RAD51B: variants seen among roughly 807,000 people sequenced by gnomAD.
RAD51B encodes the protein DNA repair protein RAD51 homolog 2.
Under a neutral mutation model 42.2 loss-of-function variants are expected in RAD51B, and 38 were observed. The ratio of observed to expected loss-of-function variants is 0.90; its 90% CI spans 0.70 to 1.18. RAD51B has a LOEUF of 1.18. Among genes scored for constraint, RAD51B ranks in the 50% most tolerant of loss-of-function variants. The probability of loss-of-function intolerance (pLI) is 0.00; values close to 1 mark genes in which losing one functional copy is unlikely to be tolerated. For missense variants in RAD51B, 373 were observed against 400.7 expected (o/e 0.93, Z 0.59); for synonymous variants, 154 against 145.2 (o/e 1.06, Z -0.43).
chr14:68,569,083 C>T lies in RAD51B; in HGVS notation c.1037-25402C>T, dbSNP rs143022673. On this transcript the variant is annotated intron_variant, in intron 10 of 10. Transcript: ENST00000487270. ...GGCCCAATGTTGTGGTTCTTGGCAC[C>T]TCTCATTTCCCCTTTCTGTATTTCC... is the stretch of plus-strand genomic sequence containing the variant. 3.7e-3 allele frequency among the ~76,000 whole-genome samples: 560 copies of T among 152,324 alleles called. 1 individual carries two copies. The highest frequency in any genetic ancestry group is 5.7e-3 in the Admixed American group (87 of 15,302).
chr14:68,588,112 G>A (rs902074620), intron 10 of RAD51B, among the ~76,000 whole-genome samples: 8 of 152,126 alleles, frequency 5.3e-5, no homozygotes, highest in East Asian at 1.9e-4. Flanking sequence ...AAGAACATAT[G>A]GGTGCGTTCA....
In RAD51B at chr14:68,345,056, A is replaced by C. The variant is rs564465291; in HGVS notation, c.853+53076A>C. ...GGCCAGTTTTTCCCTTTGGAATGGG[A>C]ATATTTACCCAATGCCCATATTACC... is the stretch of plus-strand genomic sequence containing the variant. On this transcript the variant is annotated intron_variant, in intron 8 of 10. Coordinates refer to ENST00000471583, the MANE Select transcript of RAD51B (RefSeq NM_133510.4). Among the ~76,000 whole-genome samples the C allele has an allele frequency of 4.5e-4, 68 of 152,000 alleles. 1 individual carries two copies. Among genetic ancestry groups the C allele is most frequent in the African/African-American group, 1.5e-3 (64 of 41,464 alleles).
In RAD51B at chr14:68,328,926, T is replaced by G. The variant is rs117050396; in HGVS notation, c.853+36946T>G. Among the ~76,000 whole-genome samples, 14 of 152,338 alleles carry G rather than the reference T, an allele frequency of 9.2e-5. No individual in the cohort carries two copies. In the East Asian group the frequency reaches 2.7e-3, roughly 29 times the overall value. ...CTCATCATCATTTGACCACTCAAGTTCAGCTACCTTGGTCATACAACCCGT... is the reference window on the plus strand; with the variant it reads ...CTCATCATCATTTGACCACTCAAGTGCAGCTACCTTGGTCATACAACCCGT... On this transcript the variant is annotated intron_variant, in intron 8 of 10. Transcript: ENST00000471583.
chr14:68,168,202 A>G (rs1446032272), intron 7 of RAD51B, among the ~76,000 whole-genome samples: 3 of 152,166 alleles, frequency 2.0e-5, no homozygotes, highest in African/African-American at 7.2e-5. Context: ...ATGGAATTGT[A>G]TGAAATTTAA....
intron 7 of RAD51B, among the ~76,000 whole-genome samples, chr14:68,247,029 A>G (rs1240316366): frequency 6.6e-6 from 1 of 152,158 alleles, no homozygotes; most frequent in Non-Finnish European, 1.5e-5. Context: ...GTAAGAAGTA[A>G]ACCCTGAACT....
intron 7 of RAD51B, among the ~76,000 whole-genome samples, chr14:68,286,005 A>G (rs1014316835): frequency 1.3e-5 from 2 of 152,214 alleles, no homozygotes; most frequent in Non-Finnish European, 2.9e-5. Context: ...TTATCACAAG[A>G]TTGATCTTGT....
chr14:68,012,372 C>T (rs2075698706), intron 7 of RAD51B, among the ~76,000 whole-genome samples: 1 of 151,946 alleles, frequency 6.6e-6, no homozygotes, highest in African/African-American at 2.4e-5. Flanking sequence ...TTGTAGCACT[C>T]ACAAGTTAAG....
At chr14:68,550,138 G>A (rs1741881312) in intron 10 of RAD51B, among the ~76,000 whole-genome samples, 1 of 152,224 alleles carries the variant, frequency 6.6e-6, no homozygotes, top group Non-Finnish European at 1.5e-5. Flanking sequence ...TGCACACGCT[G>A]CGCCGTGCTC....
Position 68,370,826 on chromosome 14 carries a change from C to T in RAD51B, c.854-40598C>T, listed in dbSNP as rs982398051. Among the ~76,000 whole-genome samples the T allele has an allele frequency of 3.9e-5, 6 of 151,902 alleles. No individual in the cohort carries two copies. The East Asian group carries it at 5.8e-4, about 15-fold the overall frequency. ...TTGGGAGGCTGAGGCGAGCAGATCA[C>T]GAGGTCAGGAGTTCGACCCAATATG... On this transcript the variant is annotated intron_variant, in intron 8 of 10. Transcript: ENST00000471583.
At chr14:68,585,817 T>A (rs565724373) in intron 10 of RAD51B, among the ~76,000 whole-genome samples, 1 of 152,044 alleles carries the variant, frequency 6.6e-6, no homozygotes, top group Non-Finnish European at 1.5e-5. Flanking sequence ...CTGTTTCTGG[T>A]AGAGATTTTA....
chr14:68,455,765 G>T (rs980280568), intron 9 of RAD51B, among the ~76,000 whole-genome samples: 1 of 151,474 alleles, frequency 6.6e-6, no homozygotes, highest in Non-Finnish European at 1.5e-5. Flanking sequence ...TGTTGGTAAA[G>T]ATAAATATGT....
Position 67,887,028 on chromosome 14 carries a change from T to C in RAD51B, c.580T>C (p.Ser194Pro). ...TCDEVLQRIE[S>P]LEEEIISKGI... is the part of the protein sequence containing the mutation. ...TAAATTCTTCTTTTATAGGATTGAA[T>C]CTTTGGAAGAAGAAATTATCTCAAA... The change falls in exon 7 of 11, where the codon TCT (serine) becomes CCT (proline). Residue 194 changes from serine to proline, a missense_variant. Physicochemically the swap from Ser to Pro is moderately conservative, Grantham distance 74 (BLOSUM62 -1). Coordinates refer to ENST00000471583, the MANE Select transcript of RAD51B (RefSeq NM_133510.4). 6.7e-7 allele frequency: 1 copy of C among 1,492,648 alleles called. No homozygotes were observed. 92.5% of individuals were successfully genotyped at this position (1,492,648 alleles called of 1,614,324 possible).
chr14:68,130,316 A>G (rs1456125867), intron 7 of RAD51B: 1 of 152,220 alleles, frequency 6.6e-6, no homozygotes, highest in Middle Eastern at 3.2e-3. Context: ...TTCTTATTAT[A>G]TACATCAGCC....
Position 68,639,880 on chromosome 14 carries a change from C to G in RAD51B, c.1037-10901C>G, listed in dbSNP as rs141758403. Reference sequence around the variant, plus strand: ...TCTCGGCTCACTGCTGCCTCCATCTCCTGGGTTCACACAATTCTCCTGAGT... The same window carrying G: ...TCTCGGCTCACTGCTGCCTCCATCTGCTGGGTTCACACAATTCTCCTGAGT... On this transcript the variant is annotated intron_variant, in intron 10 of 11. Transcript: ENST00000488612. Among the ~76,000 whole-genome samples, 117 of 152,226 alleles carry G rather than the reference C, an allele frequency of 7.7e-4. No individual in the cohort carries two copies. In the East Asian group the frequency reaches 0.015, roughly 20 times the overall value.
chr14:68,006,122 T>C (rs111437770), intron 7 of RAD51B, among the ~76,000 whole-genome samples: 29 of 152,252 alleles, frequency 1.9e-4, no homozygotes, highest in East Asian at 1.2e-3. Context: ...ACCTCCAACA[T>C]TGGGGATTAT....
chr14:68,173,454 G>A (rs1418431924), intron 7 of RAD51B, among the ~76,000 whole-genome samples: 1 of 152,200 alleles, frequency 6.6e-6, no homozygotes, highest in Admixed American at 6.5e-5. Flanking sequence ...CCTAAGTGGG[G>A]AATTAACTTT....
intron 7 of RAD51B, among the ~76,000 whole-genome samples, chr14:67,907,142 T>C (rs1430990294): frequency 6.6e-6 from 1 of 152,086 alleles, no homozygotes; most frequent in Non-Finnish European, 1.5e-5. Context: ...TTAGTCTACC[T>C]AGTGGTCTAT....
intron 8 of RAD51B, among the ~76,000 whole-genome samples, chr14:68,398,166 C>T (rs531374193): frequency 2.0e-5 from 3 of 152,368 alleles, no homozygotes; most frequent in East Asian, 1.9e-4. Flanking sequence ...AGGCCTGGGC[C>T]GGGGCCCAGC....
At position 68,197,920 on chromosome 14, in the gene RAD51B, G is replaced by A. The variant is rs7146261; in HGVS notation, c.757-93964G>A. On this transcript the variant is annotated intron_variant, in intron 7 of 10. Coordinates refer to ENST00000471583, the MANE Select transcript of RAD51B (RefSeq NM_133510.4). ...ATATATGTACTATAACTATGTCCTC[G>A]CAGTCCGTGGCTTGTCATTTTACCT... Among the ~76,000 whole-genome samples the A allele has an allele frequency of 8.1e-3, 1,238 of 152,048 alleles. 4 individuals are homozygous for A. Among genetic ancestry groups the A allele is most frequent in the Non-Finnish European group, 0.011 (724 of 67,950 alleles).
Sources: allele counts gnomAD v4.1 joint callset (sites outside exome capture counted in the v4.1 genomes callset), GRCh38; gene constraint gnomAD v4.1.1; transcripts MANE v1.5; gene names NCBI Gene and HGNC (gene_info 2026-07-23, HGNC 2026-07-21).